RUNX2: variants seen among roughly 807,000 people sequenced by gnomAD.
RUNX2 encodes RUNX family transcription factor 2.
RUNX2 carries 10 observed loss-of-function variants against 51.7 expected under a neutral mutation model. The ratio of observed to expected loss-of-function variants is 0.19; its 90% CI spans 0.12 to 0.33. The LOEUF is 0.33. Among genes scored for constraint, RUNX2 ranks in the 10% least tolerant of loss-of-function variants. RUNX2 has a pLI of 1.00. For synonymous variants in RUNX2, 276 were observed against 273.6 expected (o/e 1.01, Z -0.09); for missense variants, 562 against 691.3 (o/e 0.81, Z 2.10).
At chr6:45,480,452 A>G (rs373763725) in intron 5 of RUNX2, among the ~76,000 whole-genome samples, 2 of 152,188 alleles carry the variant, frequency 1.3e-5, no homozygotes, top group South Asian at 4.2e-4. Context: ...TATAAACACA[A>G]TAGTCCTTTA....
At chr6:45,461,249 A>C (rs1483986598) in intron 5 of RUNX2, among the ~76,000 whole-genome samples, 1 of 152,216 alleles carries the variant, frequency 6.6e-6, no homozygotes, top group East Asian at 1.9e-4. Context: ...TGAACTCCCC[A>C]ACAAGATAGT....
At chr6:45,542,626 T>C (rs1284213662) in intron 7 of RUNX2, among the ~76,000 whole-genome samples, 1 of 152,226 alleles carries the variant, frequency 6.6e-6, no homozygotes, top group African/African-American at 2.4e-5. Flanking sequence ...TTATTAATAA[T>C]ATCCCAAAGA....
At chr6:45,411,450 T>C (rs1470108528) in intron 2 of RUNX2, among the ~76,000 whole-genome samples, 1 of 152,164 alleles carries the variant, frequency 6.6e-6, no homozygotes, top group Non-Finnish European at 1.5e-5. Flanking sequence ...TTTTGCCATA[T>C]CTCTGCCTAG....
At chr6:45,412,874 T>G (rs1030756724) in intron 2 of RUNX2, among the ~76,000 whole-genome samples, 2 of 152,140 alleles carry the variant, frequency 1.3e-5, no homozygotes, top group Non-Finnish European at 2.9e-5. Flanking sequence ...CCTCCCTGAG[T>G]AGCTGGGACT....
intron 2 of RUNX2, among the ~76,000 whole-genome samples, chr6:45,352,053 C>T (rs1437141939): frequency 6.6e-6 from 1 of 152,186 alleles, no homozygotes; most frequent in Admixed American, 6.5e-5. Flanking sequence ...GCTGTCTTGC[C>T]TGCTTCCTTA....
intron 3 of RUNX2, among the ~76,000 whole-genome samples, chr6:45,429,099 T>C (rs181981565): frequency 6.6e-6 from 1 of 152,352 alleles, no homozygotes; most frequent in Admixed American, 6.5e-5. Context: ...TAGTATCTTC[T>C]ACATTTTGCA....
chr6:45,430,759 G>C (rs963489816), intron 3 of RUNX2, among the ~76,000 whole-genome samples: 1 of 152,170 alleles, frequency 6.6e-6, no homozygotes. Context: ...TCAGACAGCT[G>C]TGGGCTACTT....
intron 2 of RUNX2, among the ~76,000 whole-genome samples, chr6:45,386,018 G>T (rs995366023): frequency 3.3e-5 from 5 of 151,048 alleles, no homozygotes; most frequent in Non-Finnish European, 1.5e-5. Flanking sequence ...TTAGATTCCA[G>T]CAGGCTCCAG....
chr6:45,366,836 C>G (rs1427918890), intron 2 of RUNX2, among the ~76,000 whole-genome samples: 1 of 152,122 alleles, frequency 6.6e-6, no homozygotes, highest in East Asian at 1.9e-4. Flanking sequence ...TTCTCAGACC[C>G]TTCCCCTCTT....
chr6:45,376,671 A>G (rs1796820845), intron 2 of RUNX2, among the ~76,000 whole-genome samples: 1 of 152,226 alleles, frequency 6.6e-6, no homozygotes, highest in African/African-American at 2.4e-5. Context: ...AGAGCATTCC[A>G]TTCTTGCAAA....
intron 7 of RUNX2, among the ~76,000 whole-genome samples, chr6:45,523,224 T>G: frequency 6.6e-6 from 1 of 152,178 alleles, no homozygotes; most frequent in East Asian, 1.9e-4. Context: ...AACTGATCAC[T>G]GTTGATAGAA....
intron 2 of RUNX2, among the ~76,000 whole-genome samples, chr6:45,394,963 G>C (rs1269908907): frequency 6.6e-6 from 1 of 152,098 alleles, no homozygotes; most frequent in African/African-American, 2.4e-5. Flanking sequence ...TGTGTGTGGG[G>C]GGGAGGCAAG....
At chr6:45,418,253 C>T (rs1223661723) in intron 2 of RUNX2, among the ~76,000 whole-genome samples, 1 of 152,152 alleles carries the variant, frequency 6.6e-6, no homozygotes, top group African/African-American at 2.4e-5. Context: ...CCAGTCAGTT[C>T]TTTGACTGGA....
chr6:45,328,973 T>A (rs1786915067), intron 2 of RUNX2, among the ~76,000 whole-genome samples, 189 bp downstream of exon 2: 1 of 152,056 alleles, frequency 6.6e-6, no homozygotes, highest in Non-Finnish European at 1.5e-5. Flanking sequence ...ATGTATCTAA[T>A]TTTCAAAGTA....
chr6:45,518,044 T>G (rs1248987058), intron 7 of RUNX2, among the ~76,000 whole-genome samples: 2 of 152,174 alleles, frequency 1.3e-5, no homozygotes, highest in Non-Finnish European at 2.9e-5. Flanking sequence ...AAGGAAAACT[T>G]CAGCAATTAA....
chr6:45,548,754 C>G lies in RUNX2; in HGVS notation c.*1449C>G, dbSNP rs1365645677. Reference sequence around the variant, plus strand: ...GATAGAGGGTTCAATTATGAGACACCTAGTACAGGAGAGCAAAATTGCACC... The same window carrying G: ...GATAGAGGGTTCAATTATGAGACACGTAGTACAGGAGAGCAAAATTGCACC... On this transcript the variant is annotated 3_prime_UTR_variant, in exon 9 of 9. Coordinates refer to ENST00000647337, the MANE Select transcript of RUNX2 (RefSeq NM_001024630.4). 1 of 172,474 alleles carries G rather than the reference C, an allele frequency of 5.8e-6. No homozygotes were observed. The highest frequency in any genetic ancestry group is 2.4e-5 in the African/African-American group (1 of 42,374). 10.7% of individuals were successfully genotyped at this position (172,474 alleles called of 1,614,324 possible).
At chr6:45,444,632 T>C (rs1281918541) in intron 5 of RUNX2, among the ~76,000 whole-genome samples, 1 of 152,252 alleles carries the variant, frequency 6.6e-6, no homozygotes, top group Non-Finnish European at 1.5e-5. Flanking sequence ...TTTCTTTTCC[T>C]GTTTGCTTAT....
At chr6:45,454,938 AC>A (rs1245531844) in intron 5 of RUNX2, among the ~76,000 whole-genome samples, 3 of 152,030 alleles carry the variant, frequency 2.0e-5, no homozygotes, top group African/African-American at 7.2e-5. Context: ...ACATAGTGAA[AC>A]CCCGTCTCTA....
chr6:45,536,870 T>C (rs372907003), intron 7 of RUNX2, among the ~76,000 whole-genome samples: 2 of 152,366 alleles, frequency 1.3e-5, no homozygotes, highest in South Asian at 2.1e-4. Flanking sequence ...TTCTCAGTTA[T>C]GGTTTTTTTA....
Sources: allele counts gnomAD v4.1 joint callset (sites outside exome capture counted in the v4.1 genomes callset), GRCh38; gene constraint gnomAD v4.1.1; transcripts MANE v1.5; gene names NCBI Gene and HGNC (gene_info 2026-07-23, HGNC 2026-07-21).